Variants in PDXDC1 observed in about 807,000 individuals in gnomAD.
PDXDC1 encodes pyridoxal-dependent decarboxylase domain-containing protein 1.
A neutral mutation model predicts 100.1 loss-of-function variants in PDXDC1; 42 were observed. The ratio of observed to expected loss-of-function variants is 0.42; its 90% CI spans 0.33 to 0.54. The LOEUF is 0.54. PDXDC1 is among the 20% of genes least tolerant of loss of function. The pLI, the probability that PDXDC1 is intolerant of heterozygous loss-of-function variation, is 0.10. For synonymous variants in PDXDC1, 260 were observed against 371.7 expected (o/e 0.70, Z 3.46); for missense variants, 636 against 979.2 (o/e 0.65, Z 4.68).
intron 13 of PDXDC1, among the ~76,000 whole-genome samples, chr16:15,024,128 C>T (rs1233774054): frequency 1.3e-5 from 2 of 152,278 alleles, no homozygotes; most frequent in Non-Finnish European, 2.9e-5. Flanking sequence ...TCTCTGTAGG[C>T]CACACTGGCC....
chr16:15,082,323 G>T (rs1434571123), intron 16 of PDXDC1, among the ~76,000 whole-genome samples: 1 of 151,852 alleles, frequency 6.6e-6, no homozygotes, highest in Non-Finnish European at 1.5e-5. Flanking sequence ...TGATTATGTG[G>T]TTTTTGTCCT....
Position 15,036,180 on chromosome 16 carries a change from C to A in PDXDC1, c.2272C>A (p.Pro758Thr). ...STEGHPGAPS[P>T]QHTDQTEAFQ... ...TGAGGGACACCCAGGGGCTCCCAGC[C>A]CTCAGCACACCGACCAGACCGAGGC... Residue 758 changes from proline (P) to threonine (T), a missense_variant, in exon 23 of 23, where the codon CCT becomes ACT. This residue lies in a region of PDXDC1 where 452 missense variants were observed against 402.9 expected (regional missense o/e 1.12). Transcript: ENST00000396410. 6.2e-7 allele frequency: 1 copy of A among 1,614,108 alleles called. No homozygotes were observed. The highest frequency in any genetic ancestry group is 8.5e-7 in the Non-Finnish European group (1 of 1,180,014).
chr16:15,052,649 C>T (rs1402017922), intron 16 of PDXDC1, among the ~76,000 whole-genome samples: 1 of 152,134 alleles, frequency 6.6e-6, no homozygotes, highest in East Asian at 1.9e-4. Context: ...GCCTGGCCAA[C>T]ATGTTGAAGC....
chr16:15,143,947 C>A (rs974875977), downstream of PDXDC1, among the ~76,000 whole-genome samples: 1 of 152,186 alleles, frequency 6.6e-6, no homozygotes, highest in Admixed American at 6.5e-5. Context: ...CCCCTGCCCG[C>A]GCTGGCCGCC....
At chr16:15,023,657 G>C (rs1017945104) in intron 13 of PDXDC1, among the ~76,000 whole-genome samples, 4 of 152,212 alleles carry the variant, frequency 2.6e-5, no homozygotes, top group Admixed American at 6.5e-5. Context: ...CCTGTCTCAA[G>C]GAAGAAAAAA....
chr16:15,056,408 G>C (rs1221783719), intron 16 of PDXDC1, among the ~76,000 whole-genome samples: 7 of 152,224 alleles, frequency 4.6e-5, no homozygotes, highest in Admixed American at 4.6e-4. Flanking sequence ...CGCTTCCCAG[G>C]TGTGTGACCT....
downstream of PDXDC1, chr16:15,041,653 C>G: frequency 6.2e-7 from 1 of 1,611,824 alleles, no homozygotes; most frequent in Non-Finnish European, 8.5e-7. Flanking sequence ...AAGTGAATGT[C>G]ATCTTCTTGC....
intron 16 of PDXDC1, chr16:15,103,464 C>G (rs2046638377): frequency 1.6e-6 from 1 of 626,862 alleles, no homozygotes; most frequent in Admixed American, 2.7e-5. Flanking sequence ...TTCCAAGTCT[C>G]TATAGACCAC....
At chr16:15,007,905 G>A (rs1463959494) in intron 6 of PDXDC1, among the ~76,000 whole-genome samples, 3 of 152,296 alleles carry the variant, frequency 2.0e-5, no homozygotes, top group African/African-American at 2.4e-5. Flanking sequence ...TTATGTTCAC[G>A]TTTTTTAAAG....
chr16:15,036,071 C>CTCAG lies in PDXDC1; in HGVS notation c.2171_2174dup (p.His725GlnfsTer4). The CTCAG allele has an allele frequency of 6.2e-7, 1 of 1,614,124 alleles. No homozygotes were observed. The highest frequency in any genetic ancestry group is 8.5e-7 in the Non-Finnish European group (1 of 1,179,984). Reference sequence around the variant, plus strand: ...GTTCAGATGCTTTGAGTGAGACCAGCTCAGTCAGTCACATTGAAGACTTAG... The same window carrying CTCAG: ...GTTCAGATGCTTTGAGTGAGACCAGCTCAGTCAGTCAGTCACATTGAAGACTTAG... On this transcript the variant is annotated frameshift_variant, in exon 23 of 23. Coordinates refer to ENST00000396410, the MANE Select transcript of PDXDC1 (RefSeq NM_015027.4). LOFTEE classifies it low-confidence loss of function (END_TRUNC).
the PDXDC1 span, among the ~76,000 whole-genome samples, chr16:15,145,451 G>A: frequency 6.6e-6 from 1 of 152,258 alleles, no homozygotes; most frequent in African/African-American, 2.4e-5. Context: ...GCCTCAACCA[G>A]AAGGAAGAGC....
At chr16:15,041,314 G>A (rs1161404137), downstream of PDXDC1, among the ~76,000 whole-genome samples, 3 of 152,142 alleles carry the variant, frequency 2.0e-5, no homozygotes, top group Non-Finnish European at 4.4e-5. Flanking sequence ...CAAACTGGCA[G>A]CTGCAGAATC....
At chr16:15,048,045 G>A in intron 16 of PDXDC1, 1 of 1,613,606 alleles carries the variant, frequency 6.2e-7, no homozygotes, top group Non-Finnish European at 8.5e-7. Context: ...ACATACAGAA[G>A]GCCCTGGGGT....
At chr16:14,987,786 A>G (rs1373961422) in intron 1 of PDXDC1, among the ~76,000 whole-genome samples, 5 of 152,246 alleles carry the variant, frequency 3.3e-5, no homozygotes, top group African/African-American at 1.2e-4. Context: ...TAATTTCTGT[A>G]TTTTTAGTAG....
intron 1 of PDXDC1, among the ~76,000 whole-genome samples, chr16:14,982,979 G>C (rs1441847017): frequency 1.3e-5 from 2 of 152,264 alleles, no homozygotes; most frequent in African/African-American, 4.8e-5. Context: ...TTTACCTCTT[G>C]CTTTTTATCT....
intron 16 of PDXDC1, among the ~76,000 whole-genome samples, chr16:15,122,160 T>C (rs2047453232): frequency 6.6e-6 from 1 of 152,048 alleles, no homozygotes; most frequent in African/African-American, 2.4e-5. Context: ...TGAGACTCTG[T>C]CTAAAAAACA....
In PDXDC1 at chr16:15,037,979, C is replaced by A; in HGVS notation, c.*1704C>A. ...TCCAGATCTGGATTCGTGCCAGCCC[C>A]ACCAATGGTCTGTCAGGCCAAGAAG... On this transcript the variant is annotated 3_prime_UTR_variant, in exon 23 of 23. Transcript: ENST00000396410. 1 of 1,402,146 alleles carries A rather than the reference C, an allele frequency of 7.1e-7. No homozygotes were observed. The highest frequency in any genetic ancestry group is 1.0e-6 in the Non-Finnish European group (1 of 1,000,426). 86.9% of individuals were successfully genotyped at this position (1,402,146 alleles called of 1,614,324 possible).
chr16:15,087,570 G>T (rs1369561533), intron 16 of PDXDC1, among the ~76,000 whole-genome samples: 2 of 152,026 alleles, frequency 1.3e-5, no homozygotes, highest in Non-Finnish European at 1.5e-5. Context: ...AACTCCCACA[G>T]ATCAACCATT....
the PDXDC1 span, among the ~76,000 whole-genome samples, chr16:15,150,387 A>G: frequency 1.3e-5 from 2 of 149,934 alleles, no homozygotes; most frequent in African/African-American, 2.4e-5. Flanking sequence ...ATAAATAAAT[A>G]AAAGACATCA....
Sources: gnomAD v4.1 joint callset for allele counts (sites outside exome capture counted in the v4.1 genomes callset) on GRCh38, gnomAD v4.1.1 for gene constraint, gnomAD v4.1.1 regional missense constraint, MANE v1.5 for transcripts, NCBI Gene and HGNC (gene_info 2026-07-23, HGNC 2026-07-21) for gene names.